PRKD2: variants seen among roughly 807,000 people sequenced by gnomAD.
The protein encoded by PRKD2 is protein kinase D2.
In PRKD2, 22 loss-of-function variants were observed where a neutral mutation model predicts 86.0. That is an observed-to-expected ratio of 0.26 (90% CI 0.18 to 0.37). The LOEUF (loss-of-function observed/expected upper bound fraction) is 0.37, where lower values mean the gene tolerates loss of function less well. Among genes scored for constraint, PRKD2 ranks in the 10% least tolerant of loss-of-function variants. PRKD2 has a pLI of 1.00. For missense variants in PRKD2, 818 were observed against 1,199.2 expected, an observed-to-expected ratio of 0.68 and a Z score of 4.70; for synonymous variants, 509 against 510.9, an observed-to-expected ratio of 1.00 and a Z score of 0.05.
chr19:46,700,884 C>G lies in PRKD2; in HGVS notation c.1036G>C (p.Asp346His). ...DKSALMDESE[D>H]SGVIPGSHSE... Reference sequence around the variant, plus strand: ...TGGGAGCCAGGGATGACACCGGAGTCCTCTGACTCATCCATGAGGGCGCTC... The same window carrying G: ...TGGGAGCCAGGGATGACACCGGAGTGCTCTGACTCATCCATGAGGGCGCTC... The change falls in exon 7 of 18, where the codon GAC becomes CAC. Residue 346 changes from aspartate to histidine, a missense_variant. Transcript: ENST00000291281. The G allele has an allele frequency of 6.2e-7, 1 of 1,614,244 alleles. No homozygotes were observed. The highest frequency in any genetic ancestry group is 8.5e-7 in the Non-Finnish European group (1 of 1,180,044).
chr19:46,679,703 C>T lies in PRKD2; in HGVS notation c.2071-1040G>A, dbSNP rs544755115. ...GCAGTAGCGTGATCTTGGCTCACTG[C>T]AACCTCTGCCTCCCAGGTTCAAGCA... On this transcript the variant is annotated intron_variant, in intron 15 of 17. Transcript: ENST00000291281. 2.6e-5 allele frequency among the ~76,000 whole-genome samples: 4 copies of T among 152,252 alleles called. No homozygotes were observed. The East Asian group carries it at 7.7e-4, about 29-fold the overall frequency.
chr19:46,707,815 G>C (rs1419852893), intron 3 of PRKD2, among the ~76,000 whole-genome samples: 1 of 152,092 alleles, frequency 6.6e-6, no homozygotes. Context: ...TGTATGTTTT[G>C]GACAGGCGCG....
chr19:46,681,151 T>C (rs1301128111), intron 15 of PRKD2, among the ~76,000 whole-genome samples: 2 of 148,956 alleles, frequency 1.3e-5, no homozygotes, highest in Non-Finnish European at 3.0e-5. Context: ...AGAGAAGGGG[T>C]TTCACCGTGT....
At chr19:46,680,946 A>ATATATATATATATATATATTTTTTTTT in intron 15 of PRKD2, among the ~76,000 whole-genome samples, 1 of 48,258 alleles carries the variant, frequency 2.1e-5, no homozygotes, top group Non-Finnish European at 4.0e-5. Flanking sequence ...ATATATATAT[A>ATATATATATATATATATATTTTTTTTT]TTTTTTTTTT....
chr19:46,687,159 G>A (rs537207592), intron 14 of PRKD2, among the ~76,000 whole-genome samples: 5 of 152,020 alleles, frequency 3.3e-5, no homozygotes, highest in African/African-American at 7.2e-5. Context: ...GGCTGAGGCC[G>A]AGTCAGGAGG....
At chr19:46,704,749 G>A in intron 3 of PRKD2, 100 bp from the exon 4 acceptor site, 1 of 1,429,672 alleles carries the variant, frequency 7.0e-7, no homozygotes, top group South Asian at 1.4e-5. Context: ...ACCTGGTCCT[G>A]TCCCATCACC....
Position 46,678,552 on chromosome 19 carries a change from A to G in PRKD2, c.2182T>C (p.Tyr728His). Residue 728 changes from tyrosine (Y) to histidine (H), a missense_variant, in exon 16 of 18, where the codon TAC becomes CAC. Tyr to His is a moderately conservative substitution (Grantham distance 83, BLOSUM62 2). Around this residue, in one of 5 missense-constraint regions of PRKD2, gnomAD observed 154 missense variants for 359.6 expected, o/e 0.43. Transcript: ENST00000291281. This position sits in a 1 kb window ranked among gnomAD's most constrained non-coding sequence, Gnocchi z 5.7. ...GACCACATGTCCAGCGAGCGGTTGT[A>G]GCCCTGGTTGAGCAGCACCTCGGGT... is the stretch of plus-strand genomic sequence containing the variant. The part of the protein sequence containing the change: ...LAPEVLLNQG[Y>H]NRSLDMWSVG... The G allele has an allele frequency of 6.2e-7, 1 of 1,614,222 alleles. No homozygotes were observed. The highest frequency in any genetic ancestry group is 8.5e-7 in the Non-Finnish European group (1 of 1,180,042).
At position 46,716,557 on chromosome 19, in the gene PRKD2, T is replaced by G; in HGVS notation, c.-187A>C. The G allele has an allele frequency of 2.2e-6, 1 of 454,010 alleles. No homozygotes were observed. The highest frequency in any genetic ancestry group is 3.9e-6 in the Non-Finnish European group (1 of 258,892). The allele number at this position is 454,010 out of a possible 1,614,324, so 28.1% of individuals were successfully genotyped here. A position where few individuals can be genotyped will look rare whatever the true frequency, so the allele number is the denominator to read the frequency against. ...GGTCCTGGGAAGGAGAGAAAGGCAC[T>G]ATAGTGGGTCAGAGGCCCGGAATCC... On this transcript the variant is annotated 5_prime_UTR_variant, in exon 1 of 18. Transcript: ENST00000291281. This position sits in a 1 kb window ranked among gnomAD's most constrained non-coding sequence, Gnocchi z 7.9.
chr19:46,693,219 T>C lies in PRKD2; in HGVS notation c.1576+656A>G, dbSNP rs1045737885. Among the ~76,000 whole-genome samples the C allele has an allele frequency of 4.0e-5, 6 of 151,196 alleles. No homozygotes were observed. Among genetic ancestry groups the C allele is most frequent in the African/African-American group, 1.5e-4 (6 of 41,266 alleles). On this transcript the variant is annotated intron_variant, in intron 10 of 17. Transcript: ENST00000291281. The surrounding 1 kb of genome is among the most constrained non-coding windows in gnomAD (Gnocchi z 4.5). ...CTGCCCACCCTGGACTGTCACTCTCTGAAGATGGGTATTCTGCCCTACTGG... is the reference window on the plus strand; with the variant it reads ...CTGCCCACCCTGGACTGTCACTCTCCGAAGATGGGTATTCTGCCCTACTGG...
Position 46,716,126 on chromosome 19 carries a change from C to T in PRKD2, c.240+5G>A. 2 of 1,608,816 alleles carry T rather than the reference C, an allele frequency of 1.2e-6. No homozygotes were observed. Among genetic ancestry groups the T allele is most frequent in the Non-Finnish European group, 1.7e-6 (2 of 1,178,280 alleles). On this transcript the variant is annotated splice_donor_5th_base_variant and intron_variant, in intron 1 of 17. Coordinates refer to ENST00000291281, the MANE Select transcript of PRKD2 (RefSeq NM_016457.5). The surrounding 1 kb of genome is among the most constrained non-coding windows in gnomAD (Gnocchi z 7.9). The stretch of plus-strand genomic sequence containing the variant: ...GAGCTGGATCCAGGGAGCCTGCGCC[C>T]TCACCTTCTGGTCCACGATGGAACA...
At chr19:46,697,662 G>T in intron 8 of PRKD2, 71 bp downstream of exon 8, 1 of 1,404,670 alleles carries the variant, frequency 7.1e-7, no homozygotes, top group Non-Finnish European at 9.9e-7. Flanking sequence ...ACCTAGCCCC[G>T]CCTACTCAAG....
intron 14 of PRKD2, among the ~76,000 whole-genome samples, chr19:46,683,771 T>C (rs1216115044): frequency 6.6e-6 from 1 of 152,172 alleles, no homozygotes; most frequent in Non-Finnish European, 1.5e-5. Flanking sequence ...AAAGCATATC[T>C]AAAGATGCAT....
chr19:46,716,473 G>A lies in PRKD2; in HGVS notation c.-103C>T, dbSNP rs2053882924. The A allele has an allele frequency of 1.7e-6, 1 of 590,910 alleles. No individual in the cohort carries two copies. The highest frequency in any genetic ancestry group is 3.4e-5 in the East Asian group (1 of 29,288). The allele number at this position is 590,910 out of a possible 1,614,324, so 36.6% of individuals were successfully genotyped here. A position where few individuals can be genotyped will look rare whatever the true frequency, so the allele number is the denominator to read the frequency against. ...ATCCGCGGGATCTCGTGAGCAGGTG[G>A]TGGGAGAGCGGGGATCCGAGAAAAG... On this transcript the variant is annotated 5_prime_UTR_variant, in exon 1 of 18. Transcript: ENST00000291281. This position sits in a 1 kb window ranked among gnomAD's most constrained non-coding sequence, Gnocchi z 7.9.
intron 15 of PRKD2, 56 bp downstream of exon 15, chr19:46,681,594 A>ACCCCCCC: frequency 3.4e-6 from 1 of 291,036 alleles, no homozygotes; most frequent in South Asian, 2.1e-5. Context: ...CCCCACCCCC[A>ACCCCCCC]CCCCGGCCAT....
chr19:46,709,720 A>G (rs1490561026), intron 3 of PRKD2, among the ~76,000 whole-genome samples: 1 of 151,916 alleles, frequency 6.6e-6, no homozygotes, highest in Non-Finnish European at 1.5e-5. Context: ...TAAGTGGGAG[A>G]GGTGATCCTG....
At position 46,697,758 on chromosome 19, in the gene PRKD2, A is replaced by G; in HGVS notation, c.1214T>C (p.Val405Ala). The G allele has an allele frequency of 6.2e-7, 1 of 1,613,984 alleles. No individual in the cohort carries two copies. The highest frequency in any genetic ancestry group is 1.1e-5 in the South Asian group (1 of 91,082). Residue 405 changes from valine to alanine, a missense_variant, in exon 8 of 18, where the codon GTT becomes GCT. Transcript: ENST00000291281. ...SSTTLREGWV[V>A]HYSNKDTLRK... The stretch of plus-strand genomic sequence containing the variant: ...CAGCGTGTCCTTGTTGCTGTAATGA[A>G]CCACCCAACCCTCCCGCAGCGTGGT...
chr19:46,706,063 C>G (rs1327785375), intron 3 of PRKD2, among the ~76,000 whole-genome samples: 1 of 151,920 alleles, frequency 6.6e-6, no homozygotes, highest in African/African-American at 2.4e-5. Context: ...TGGGGTCTCG[C>G]TACATTGCCC....
intron 2 of PRKD2, among the ~76,000 whole-genome samples, chr19:46,713,435 A>G (rs147849053): frequency 6.6e-6 from 1 of 152,256 alleles, no homozygotes; most frequent in African/African-American, 2.4e-5. Flanking sequence ...TTATAAATAA[A>G]TAAGTATAAC....
intron 9 of PRKD2, among the ~76,000 whole-genome samples, chr19:46,694,572 G>A (rs2122687213): frequency 6.6e-6 from 1 of 152,268 alleles, no homozygotes; most frequent in East Asian, 1.9e-4. Context: ...TCCAGCCTGG[G>A]CGACAGAGTG....
Sources: gnomAD v4.1 joint callset for allele counts (sites outside exome capture counted in the v4.1 genomes callset) on GRCh38, gnomAD v4.1.1 for gene constraint, gnomAD v4.1.1 regional missense constraint, Gnocchi (gnomAD v3.1) non-coding constraint, MANE v1.5 for transcripts, NCBI Gene and HGNC (gene_info 2026-07-23, HGNC 2026-07-21) for gene names.